Variants in LRRC4C observed in about 807,000 individuals in gnomAD.
LRRC4C encodes the protein leucine rich repeat containing 4C.
In LRRC4C, 5 loss-of-function variants were observed where a neutral mutation model predicts 33.6. The observed-to-expected ratio is 0.15, with a 90% CI of 0.08 to 0.31. The LOEUF (loss-of-function observed/expected upper bound fraction) is 0.31, where lower values mean the gene tolerates loss of function less well. Among genes scored for constraint, LRRC4C ranks in the 10% least tolerant of loss-of-function variants. The probability of loss-of-function intolerance (pLI) is 1.00; values close to 1 mark genes in which losing one functional copy is unlikely to be tolerated. For missense variants in LRRC4C, 560 were observed against 796.7 expected (o/e 0.70, Z 3.58); for synonymous variants, 329 against 302.0 (o/e 1.09, Z -0.93).
rs1411202753 is a variant in LRRC4C, at chr11:41,404,280, G to C, written c.-496+55151C>G. Among the ~76,000 whole-genome samples, 5 of 152,092 alleles carry C rather than the reference G, an allele frequency of 3.3e-5. No homozygotes were observed. The South Asian group carries it at 1.0e-3, about 32-fold the overall frequency. ...CAAAGAGCTGAAGCCTAAGGCAAGA[G>C]CTTCTGATTAATTTTTCTAAATGGA... On this transcript the variant is annotated intron_variant, in intron 1 of 6. Coordinates refer to ENST00000528697, the MANE Select transcript of LRRC4C (RefSeq NM_001258419.2).
chr11:41,152,552 C>T (rs1468068692), intron 1 of LRRC4C, among the ~76,000 whole-genome samples: 2 of 151,990 alleles, frequency 1.3e-5, no homozygotes, highest in African/African-American at 2.4e-5. Flanking sequence ...GAACCCAGGC[C>T]TAGTTAGCAC....
At chr11:40,540,134 T>G (rs539853449) in intron 3 of LRRC4C, among the ~76,000 whole-genome samples, 3 of 152,300 alleles carry the variant, frequency 2.0e-5, no homozygotes, top group African/African-American at 7.2e-5. Flanking sequence ...GAAAATGCTT[T>G]TCAGCACCAA....
At chr11:40,250,384 C>T (rs1217725504) in intron 4 of LRRC4C, among the ~76,000 whole-genome samples, 2 of 152,086 alleles carry the variant, frequency 1.3e-5, no homozygotes, top group African/African-American at 2.4e-5. Flanking sequence ...ACTTCTATTC[C>T]TTGGAATCTG....
At chr11:41,282,480 T>G (rs1949706225) in intron 1 of LRRC4C, among the ~76,000 whole-genome samples, 1 of 152,176 alleles carries the variant, frequency 6.6e-6, no homozygotes, top group Non-Finnish European at 1.5e-5. Context: ...CACTAACCAA[T>G]TCCAATGGGA....
chr11:41,409,008 G>A (rs1053058748), intron 1 of LRRC4C, among the ~76,000 whole-genome samples: 8 of 152,230 alleles, frequency 5.3e-5, no homozygotes, highest in African/African-American at 1.9e-4. Flanking sequence ...TCAGGTTTCC[G>A]GGTCACTGTG....
intron 6 of LRRC4C, among the ~76,000 whole-genome samples, chr11:40,132,589 T>C (rs1183910140): frequency 3.3e-5 from 5 of 152,196 alleles, no homozygotes; most frequent in African/African-American, 1.2e-4. Flanking sequence ...AACTAATGCA[T>C]TGATGTTTAT....
intron 4 of LRRC4C, among the ~76,000 whole-genome samples, chr11:40,260,153 C>G (rs1366829878): frequency 8.3e-6 from 1 of 120,058 alleles, no homozygotes; most frequent in African/African-American, 3.2e-5. Flanking sequence ...TGGAACCAAC[C>G]CAAATGTCCA....
At chr11:40,557,335 CTCT>C (rs1160506429) in intron 3 of LRRC4C, among the ~76,000 whole-genome samples, 1 of 152,088 alleles carries the variant, frequency 6.6e-6, no homozygotes, top group Non-Finnish European at 1.5e-5. Context: ...GTCACTTGGT[CTCT>C]TCGAGTTCCT....
At chr11:40,924,809 T>C (rs577139760) in intron 2 of LRRC4C, among the ~76,000 whole-genome samples, 2 of 152,150 alleles carry the variant, frequency 1.3e-5, no homozygotes, top group East Asian at 3.9e-4. Flanking sequence ...AAATAATCTC[T>C]CAAAGGCTAA....
chr11:41,400,813 TA>T (rs1234962299), intron 1 of LRRC4C, among the ~76,000 whole-genome samples: 1 of 151,950 alleles, frequency 6.6e-6, no homozygotes, highest in Non-Finnish European at 1.5e-5. Context: ...CAGTGAGTGC[TA>T]ATATTCTTAC....
chr11:40,378,285 C>A (rs760322826), intron 3 of LRRC4C, among the ~76,000 whole-genome samples: 1 of 151,876 alleles, frequency 6.6e-6, no homozygotes, highest in Non-Finnish European at 1.5e-5. Context: ...AACTTGAGTG[C>A]TTGATTTTTC....
chr11:40,413,996 T>C (rs1338087622), intron 3 of LRRC4C, among the ~76,000 whole-genome samples: 1 of 152,124 alleles, frequency 6.6e-6, no homozygotes, highest in South Asian at 2.1e-4. Context: ...ATTTTCATCA[T>C]TTTGTGTCAA....
intron 1 of LRRC4C, among the ~76,000 whole-genome samples, chr11:40,939,492 C>T (rs1958049027): frequency 2.0e-5 from 3 of 152,020 alleles, no homozygotes. Context: ...GTGAAAAATA[C>T]CTGAATTCAT....
At chr11:40,555,591 T>C (rs1040863429) in intron 3 of LRRC4C, among the ~76,000 whole-genome samples, 3 of 152,214 alleles carry the variant, frequency 2.0e-5, no homozygotes, top group African/African-American at 7.2e-5. Flanking sequence ...AACAATTAGA[T>C]GTATGGGTGT....
intron 4 of LRRC4C, among the ~76,000 whole-genome samples, chr11:40,245,490 G>A (rs1429683008): frequency 6.6e-6 from 1 of 152,132 alleles, no homozygotes; most frequent in Non-Finnish European, 1.5e-5. Context: ...ACTAGTCAAT[G>A]AGTAGGTGCT....
At chr11:40,178,752 T>G (rs974346158) in intron 5 of LRRC4C, among the ~76,000 whole-genome samples, 4 of 152,208 alleles carry the variant, frequency 2.6e-5, no homozygotes, top group African/African-American at 9.6e-5. Flanking sequence ...TATATTCCTC[T>G]GGTTTCCTCG....
At chr11:41,166,991 T>C (rs1210981356) in intron 1 of LRRC4C, among the ~76,000 whole-genome samples, 1 of 152,208 alleles carries the variant, frequency 6.6e-6, no homozygotes, top group African/African-American at 2.4e-5. Context: ...CTTATTGGCA[T>C]TAAATACTGA....
chr11:40,239,088 T>C (rs1865763395), intron 5 of LRRC4C, among the ~76,000 whole-genome samples: 1 of 152,186 alleles, frequency 6.6e-6, no homozygotes, highest in Admixed American at 6.5e-5. Flanking sequence ...GACAAAGACT[T>C]GGTCTCAGTA....
intron 2 of LRRC4C, among the ~76,000 whole-genome samples, chr11:40,713,882 C>T (rs1946585796): frequency 6.6e-6 from 1 of 152,138 alleles, no homozygotes; most frequent in Non-Finnish European, 1.5e-5. Context: ...TATGTATGCC[C>T]TCTTCAATTC....
Sources: allele counts gnomAD v4.1 joint callset (sites outside exome capture counted in the v4.1 genomes callset), GRCh38; gene constraint gnomAD v4.1.1; transcripts MANE v1.5; gene names NCBI Gene and HGNC (gene_info 2026-07-23, HGNC 2026-07-21).